The following GRIP2 variants were observed in gnomAD, a reference collection of about 807,000 sequenced individuals.
GRIP2 encodes the protein glutamate receptor interacting protein 2.
GRIP2 carries 58 observed loss-of-function variants against 108.3 expected under a neutral mutation model. That is an observed-to-expected ratio of 0.54 (90% CI 0.43 to 0.67). The LOEUF is 0.67. GRIP2 is among the 30% of genes least tolerant of loss of function. The pLI is 0.00. For missense variants in GRIP2, 1,278 were observed against 1,430.6 expected, an observed-to-expected ratio of 0.89 and a Z score of 1.72; for synonymous variants, 586 against 598.2, an observed-to-expected ratio of 0.98 and a Z score of 0.30.
At chr3:14,524,089 G>C in intron 4 of GRIP2, 1 of 518,676 alleles carries the variant, frequency 1.9e-6, no homozygotes, top group Non-Finnish European at 3.5e-6. Context: ...GTGGAGTGTG[G>C]GCGTGGTAGG....
At chr3:14,539,910 C>T (rs1326318615) in intron 1 of GRIP2, among the ~76,000 whole-genome samples, 6 of 152,190 alleles carry the variant, frequency 3.9e-5, no homozygotes, top group Non-Finnish European at 8.8e-5. Context: ...CGGACACTCA[C>T]TCCCACCAGG....
chr3:14,557,780 C>A (rs1325756144), upstream of GRIP2, among the ~76,000 whole-genome samples: 1 of 152,238 alleles, frequency 6.6e-6, no homozygotes, highest in African/African-American at 2.4e-5. Context: ...GCTGTGCAAA[C>A]AGAGAGGAAG....
upstream of GRIP2, among the ~76,000 whole-genome samples, chr3:14,557,355 C>T (rs1402735055): frequency 6.6e-6 from 1 of 152,218 alleles, no homozygotes; most frequent in Non-Finnish European, 1.5e-5. Flanking sequence ...ACACTACCTC[C>T]CTGAAACTTG....
intron 4 of GRIP2, 88 bp downstream of exon 4, chr3:14,524,305 T>A: frequency 6.9e-7 from 1 of 1,444,998 alleles, no homozygotes; most frequent in Non-Finnish European, 9.3e-7. Context: ...TCTGGCATGA[T>A]CCCTGCCACC....
intron 5 of GRIP2, chr3:14,523,401 G>T: frequency 3.5e-6 from 2 of 577,616 alleles, no homozygotes; most frequent in South Asian, 2.3e-5. Context: ...ATCATTTTCC[G>T]GTACAACTTT....
the GRIP2 span, among the ~76,000 whole-genome samples, chr3:14,565,928 C>T: frequency 0.028 from 4,305 of 152,298 alleles, 236 homozygotes; most frequent in African/African-American, 0.096. Flanking sequence ...GGAGCGTGCC[C>T]TAGGTGACAC....
chr3:14,544,675 C>G (rs566225593), upstream of GRIP2, among the ~76,000 whole-genome samples: 25 of 152,178 alleles, frequency 1.6e-4, no homozygotes, highest in Non-Finnish European at 2.5e-4. Context: ...CTTCTTCCTC[C>G]GACCCTCCTC....
In GRIP2 at chr3:14,492,275, G is replaced by C. The variant is rs1210659019; in HGVS notation, c.*1390C>G. On this transcript the variant is annotated 3_prime_UTR_variant, in exon 24 of 24. Coordinates refer to ENST00000621039, the MANE Select transcript of GRIP2 (RefSeq NM_001080423.4). ...GGAAGAGCACTTTTCTGGCCTCCAG[G>C]GACCCCAGGTTGGAGACAGATGGAG... 1.3e-5 allele frequency: 2 copies of C among 152,266 alleles called. No individual in the cohort carries two copies. Among genetic ancestry groups the C allele is most frequent in the African/African-American group, 2.4e-5 (1 of 41,416 alleles). The allele number at this position is 152,266 out of a possible 1,614,324, so 9.4% of individuals were successfully genotyped here.
the GRIP2 span, among the ~76,000 whole-genome samples, chr3:14,563,919 C>T: frequency 1.3e-5 from 2 of 152,202 alleles, no homozygotes; most frequent in Non-Finnish European, 2.9e-5. Context: ...GTTTCTGCTT[C>T]ACATGGCGAC....
chr3:14,572,022 GTATATTCTAAAA>G, the GRIP2 span, among the ~76,000 whole-genome samples: 1 of 152,000 alleles, frequency 6.6e-6, no homozygotes, highest in African/African-American at 2.4e-5. Flanking sequence ...TTCAAGATAC[GTATATTCTAAAA>G]TATATCTCAA....
intron 1 of GRIP2, 143 bp from the exon 2 acceptor site, chr3:14,526,074 C>A: frequency 1.4e-6 from 1 of 691,970 alleles, no homozygotes; most frequent in South Asian, 1.7e-5. Flanking sequence ...CGATTCTCTG[C>A]TGGAGAATCC....
chr3:14,600,080 C>A, the GRIP2 span, among the ~76,000 whole-genome samples: 24 of 152,230 alleles, frequency 1.6e-4, no homozygotes, highest in African/African-American at 5.1e-4. Flanking sequence ...GCCATGAATT[C>A]AAGTAGCCAC....
intron 10 of GRIP2, among the ~76,000 whole-genome samples, chr3:14,517,503 T>C (rs1288954480): frequency 5.2e-5 from 7 of 134,834 alleles, no homozygotes; most frequent in African/African-American, 1.4e-4. Flanking sequence ...TCTTTTTTTT[T>C]TTTTTTTTTT....
chr3:14,509,810 C>T lies in GRIP2; in HGVS notation c.2078+10G>A. The T allele has an allele frequency of 6.8e-7, 1 of 1,471,284 alleles. No homozygotes were observed. The highest frequency in any genetic ancestry group is 9.1e-7 in the Non-Finnish European group (1 of 1,101,752). 91.1% of individuals were successfully genotyped at this position (1,471,284 alleles called of 1,614,324 possible). A position where few individuals can be genotyped will look rare whatever the true frequency, so the allele number is the denominator to read the frequency against. ...AGCCCACCATGCGTCCCCACAGAGC[C>T]CCAGTTCACCTCTCAGCCAGGCCAC... On this transcript the variant is annotated intron_variant, in intron 17 of 23. Coordinates refer to ENST00000621039, the MANE Select transcript of GRIP2 (RefSeq NM_001080423.4).
the GRIP2 span, among the ~76,000 whole-genome samples, chr3:14,602,741 G>C: frequency 1.3e-4 from 19 of 151,880 alleles, no homozygotes; most frequent in Non-Finnish European, 2.1e-4. The surrounding 1 kb of genome is among the most constrained non-coding windows in gnomAD (Gnocchi z 4.7). Context: ...GTCCTGAGGT[G>C]ATCCTCCAGG....
chr3:14,511,383 A>G lies in GRIP2; in HGVS notation c.1787+30T>C. 8 of 1,613,902 alleles carry G rather than the reference A, an allele frequency of 5.0e-6. No individual in the cohort carries two copies. The highest frequency in any genetic ancestry group is 6.8e-6 in the Non-Finnish European group (8 of 1,179,838). On this transcript the variant is annotated intron_variant, in intron 15 of 23. Transcript: ENST00000621039. The surrounding 1 kb of genome is among the most constrained non-coding windows in gnomAD (Gnocchi z 4.1). The stretch of plus-strand genomic sequence containing the variant: ...GGTGCCATACTCACTGCTGTTGGCC[A>G]CTTCCCTTCCTGTGCCCCAGTGCCC...
At chr3:14,495,552 G>A (rs1274769324) in intron 22 of GRIP2, among the ~76,000 whole-genome samples, 19 of 152,090 alleles carry the variant, frequency 1.2e-4, no homozygotes, top group Middle Eastern at 3.2e-3. Flanking sequence ...GACTACAGAC[G>A]TGTGCCACCA....
chr3:14,561,494 T>C, the GRIP2 span, among the ~76,000 whole-genome samples: 1 of 152,134 alleles, frequency 6.6e-6, no homozygotes, highest in Non-Finnish European at 1.5e-5. Flanking sequence ...AAGCCAGGAT[T>C]CAAACACAGG....
At chr3:14,568,360 G>A in the GRIP2 span, among the ~76,000 whole-genome samples, 27 of 152,302 alleles carry the variant, frequency 1.8e-4, no homozygotes, top group African/African-American at 6.3e-4. Flanking sequence ...ATGTTTTAAA[G>A]AAAAGTAGTG....
Sources: gnomAD v4.1 joint callset for allele counts (sites outside exome capture counted in the v4.1 genomes callset) on GRCh38, gnomAD v4.1.1 for gene constraint, Gnocchi (gnomAD v3.1) non-coding constraint, MANE v1.5 for transcripts, NCBI Gene and HGNC (gene_info 2026-07-23, HGNC 2026-07-21) for gene names.